Variants in APBB2 observed in about 807,000 individuals in gnomAD.
APBB2 encodes Fe65-like 1.
APBB2 carries 38 observed loss-of-function variants against 82.5 expected under a neutral mutation model. That is an observed-to-expected ratio of 0.46 (90% confidence interval 0.36 to 0.60). The LOEUF is 0.60. APBB2 is among the 20% of genes least tolerant of loss of function. APBB2 has a pLI of 0.00. For synonymous variants in APBB2, 341 were observed against 368.2 expected (o/e 0.93, Z 0.85); for missense variants, 772 against 972.3 (o/e 0.79, Z 2.74).
At chr4:40,948,016 G>C (rs1380431310) in intron 6 of APBB2, among the ~76,000 whole-genome samples, 5 of 152,196 alleles carry the variant, frequency 3.3e-5, no homozygotes, top group African/African-American at 1.2e-4. Context: ...TCACAGAACA[G>C]AGCAACTTCA....
intron 2 of APBB2, among the ~76,000 whole-genome samples, chr4:41,130,402 T>C (rs1580279572): frequency 1.3e-5 from 2 of 152,210 alleles, no homozygotes; most frequent in South Asian, 4.1e-4. Flanking sequence ...CCCTCATTCA[T>C]CTGGCCTGGA....
intron 2 of APBB2, among the ~76,000 whole-genome samples, chr4:41,137,339 G>A (rs547465636): frequency 3.3e-5 from 5 of 151,938 alleles, no homozygotes; most frequent in African/African-American, 1.2e-4. Flanking sequence ...TTTTCCAAAT[G>A]CAGAACAGGT....
At chr4:41,126,151 C>G (rs1026164537) in intron 2 of APBB2, among the ~76,000 whole-genome samples, 1 of 149,174 alleles carries the variant, frequency 6.7e-6, no homozygotes, top group African/African-American at 2.5e-5. Context: ...AGGCAGAGAC[C>G]GGGGGAATGC....
chr4:41,038,291 C>T (rs1440008502), intron 4 of APBB2, among the ~76,000 whole-genome samples: 1 of 151,944 alleles, frequency 6.6e-6, no homozygotes, highest in East Asian at 1.9e-4. Context: ...ATGCTATGTA[C>T]CTTTAAATAA....
intron 15 of APBB2, among the ~76,000 whole-genome samples, chr4:40,825,483 TCC>T (rs1749588139): frequency 6.6e-6 from 1 of 152,182 alleles, no homozygotes; most frequent in South Asian, 2.1e-4. Flanking sequence ...ACTGTGTCAC[TCC>T]TTGACAGCAT....
intron 5 of APBB2, among the ~76,000 whole-genome samples, chr4:41,026,421 T>G (rs191252619): frequency 6.6e-6 from 1 of 152,304 alleles, no homozygotes; most frequent in East Asian, 1.9e-4. Context: ...GAGTTGTGCA[T>G]CCAATAATAC....
Position 40,893,277 on chromosome 4 carries a change from C to A in APBB2, c.1389G>T (p.Gly463=), listed in dbSNP as rs1772592771. The change falls in exon 11 of 18, where the codon GGG becomes GGT. Residue 463 remains glycine (G), a synonymous_variant. Transcript: ENST00000508593. ...YCKNDIRDTV[G]IWGEGKDMYL... ...ACATGCCACTTACCTCTCCCCAAAT[C>A]CCGACTGTGTCTCGGATGTCATTTT... The A allele has an allele frequency of 6.2e-7, 1 of 1,613,430 alleles. No individual in the cohort carries two copies. Among genetic ancestry groups the A allele is most frequent in the Admixed American group, 1.7e-5 (1 of 59,914 alleles).
chr4:40,885,210 G>A (rs531828930), intron 12 of APBB2, among the ~76,000 whole-genome samples: 1 of 152,310 alleles, frequency 6.6e-6, no homozygotes, highest in East Asian at 1.9e-4. Flanking sequence ...TGGCAGCCAG[G>A]CTGCAAATGT....
chr4:40,899,733 A>G (rs894442549), intron 10 of APBB2, among the ~76,000 whole-genome samples: 1 of 152,166 alleles, frequency 6.6e-6, no homozygotes, highest in Admixed American at 6.5e-5. Flanking sequence ...CTCCTGCTGA[A>G]TTTCTAGGTT....
intron 12 of APBB2, among the ~76,000 whole-genome samples, chr4:40,873,974 AT>A (rs999937340): frequency 6.6e-6 from 1 of 152,226 alleles, no homozygotes; most frequent in African/African-American, 2.4e-5. Context: ...TTTATATCCT[AT>A]TTCCTTCCCA....
chr4:41,109,199 G>C (rs1748289118), intron 2 of APBB2, among the ~76,000 whole-genome samples: 1 of 152,112 alleles, frequency 6.6e-6, no homozygotes, highest in African/African-American at 2.4e-5. Flanking sequence ...AGAAGTTCTA[G>C]GCTGCAATGG....
At chr4:41,161,339 G>A (rs921474042) in intron 1 of APBB2, among the ~76,000 whole-genome samples, 1 of 152,142 alleles carries the variant, frequency 6.6e-6, no homozygotes, top group African/African-American at 2.4e-5. Context: ...GGGCATGGTG[G>A]CTCACACCTG....
At chr4:41,191,373 C>CT (rs996619456) in intron 1 of APBB2, among the ~76,000 whole-genome samples, 1 of 152,192 alleles carries the variant, frequency 6.6e-6, no homozygotes, top group African/African-American at 2.4e-5. Flanking sequence ...ACATCAACAG[C>CT]TATCAAATCT....
intron 3 of APBB2, among the ~76,000 whole-genome samples, chr4:41,068,070 A>C (rs1255552612): frequency 6.6e-6 from 1 of 152,218 alleles, no homozygotes; most frequent in African/African-American, 2.4e-5. Flanking sequence ...GGATATTAGA[A>C]GGAAAGTACA....
intron 6 of APBB2, among the ~76,000 whole-genome samples, chr4:40,978,753 T>TAA (rs1797779408): frequency 6.6e-6 from 1 of 152,148 alleles, no homozygotes; most frequent in South Asian, 2.1e-4. Flanking sequence ...GATTTTATAC[T>TAA]TACAAATAAA....
Position 41,140,003 on chromosome 4 carries a change from T to C in APBB2, c.-261+2984A>G, listed in dbSNP as rs564295917. Among the ~76,000 whole-genome samples the C allele has an allele frequency of 5.3e-5, 8 of 152,324 alleles. No individual in the cohort carries two copies. The South Asian group carries it at 6.2e-4, about 12-fold the overall frequency. ...TAGGAAACTGGCAGTAGAAGTCACATGGAAACTTTCTGTACTTGCTGCAAA... is the reference window on the plus strand; with the variant it reads ...TAGGAAACTGGCAGTAGAAGTCACACGGAAACTTTCTGTACTTGCTGCAAA... On this transcript the variant is annotated intron_variant, in intron 2 of 17. Coordinates refer to ENST00000508593, the MANE Select transcript of APBB2 (RefSeq NM_004307.2).
chr4:40,944,909 C>G lies in APBB2; in HGVS notation c.1000G>C (p.Gly334Arg). Residue 334 changes from glycine to arginine, a missense_variant, in exon 7 of 18, where the codon GGG (glycine) becomes CGG (arginine). Transcript: ENST00000508593. ...GATGGCGTTACAGAACTAAGTGACC[C>G]TTTCCTAGAACCCTGGAGATCTGCT... ...IPADLQGSRK[G>R]SLSSVTPSPT... The G allele has an allele frequency of 6.2e-7, 1 of 1,613,570 alleles. No individual in the cohort carries two copies. The highest frequency in any genetic ancestry group is 1.3e-5 in the African/African-American group (1 of 75,002).
At chr4:40,852,317 C>T (rs112685424) in intron 12 of APBB2, among the ~76,000 whole-genome samples, 6,592 of 143,938 alleles carry the variant, frequency 0.046, 239 homozygotes, top group African/African-American at 0.1. Context: ...TGACACTGCA[C>T]TCCAGCCTGG....
At chr4:40,851,857 GAATCCTATCAGA>G (rs886346762) in intron 12 of APBB2, among the ~76,000 whole-genome samples, 98 of 151,184 alleles carry the variant, frequency 6.5e-4, no homozygotes, top group African/African-American at 2.2e-3. Context: ...AGGGGGCAGA[GAATCCTATCAGA>G]AACTCAGTAT....
Sources: gnomAD v4.1 joint callset for allele counts (sites outside exome capture counted in the v4.1 genomes callset) on GRCh38, gnomAD v4.1.1 for gene constraint, MANE v1.5 for transcripts, NCBI Gene and HGNC (gene_info 2026-07-23, HGNC 2026-07-21) for gene names.